TESC: variants seen among roughly 807,000 people sequenced by gnomAD.
TESC encodes calcineurin B homologous protein 3.
Under a neutral mutation model 31.0 loss-of-function variants are expected in TESC, and 19 were observed. The ratio of observed to expected loss-of-function variants is 0.61; its 90% CI spans 0.43 to 0.90. The LOEUF (loss-of-function observed/expected upper bound fraction) is 0.90. Among genes scored for constraint, TESC ranks in the 40% least tolerant of loss-of-function variants. The probability of loss-of-function intolerance (pLI) is 0.00; values close to 1 mark genes in which losing one functional copy is unlikely to be tolerated. For missense variants in TESC, 248 were observed against 303.8 expected, an observed-to-expected ratio of 0.82 and a Z score of 1.36; for synonymous variants, 109 against 114.8, an observed-to-expected ratio of 0.95 and a Z score of 0.32.
At chr12:117,092,217 AAAG>A (rs767344547) in intron 1 of TESC, among the ~76,000 whole-genome samples, 35 of 152,356 alleles carry the variant, frequency 2.3e-4, no homozygotes, top group Admixed American at 1.8e-3. Flanking sequence ...CTGGTGGCTC[AAAG>A]AAGGACACAG....
At chr12:117,073,553 A>G (rs1265175250) in intron 2 of TESC, among the ~76,000 whole-genome samples, 1 of 152,192 alleles carries the variant, frequency 6.6e-6, no homozygotes, top group East Asian at 1.9e-4. Flanking sequence ...GTGGACATTT[A>G]TATGTCAGTT....
chr12:117,056,763 C>T (rs1954730763), intron 3 of TESC, 43 bp downstream of exon 3: 2 of 1,590,432 alleles, frequency 1.3e-6, no homozygotes, highest in East Asian at 2.2e-5. Flanking sequence ...TTACACAAGA[C>T]AAGGGTGCCT....
chr12:117,079,484 C>T (rs1247792524), intron 1 of TESC, among the ~76,000 whole-genome samples: 3 of 152,160 alleles, frequency 2.0e-5, no homozygotes, highest in South Asian at 2.1e-4. Context: ...ATCACTTGAA[C>T]CCGGGAGGCG....
Position 117,046,812 on chromosome 12 carries a change from T to C in TESC, c.376A>G (p.Ser126Gly), listed in dbSNP as rs531621385. 56 of 1,571,782 alleles carry C rather than the reference T, an allele frequency of 3.6e-5. No homozygotes were observed. In the South Asian group the frequency reaches 3.6e-4, roughly 10 times the overall value. The change falls in exon 5 of 8, where the codon AGC becomes GGC. Residue 126 changes from serine to glycine, a missense_variant. Transcript: ENST00000335209. ...RFLFHMYDSD[S>G]DGRITLEEYR... ...TCTTCCAGAGTGATGCGGCCGTCGC[T>C]GTCCGAGTCGTACATGTGGAACAGA...
chr12:117,089,052 C>A (rs1159421229), intron 1 of TESC, among the ~76,000 whole-genome samples: 2 of 152,184 alleles, frequency 1.3e-5, no homozygotes, highest in African/African-American at 4.8e-5. Context: ...GCTGCCTCTG[C>A]ACATCAGGTG....
chr12:117,056,940 G>A (rs553363574), intron 2 of TESC, 54 bp from the exon 3 acceptor site: 17 of 1,574,498 alleles, frequency 1.1e-5, no homozygotes, highest in South Asian at 3.3e-5. Flanking sequence ...GATAGCAGAC[G>A]TCAGCTGGCA....
intron 2 of TESC, among the ~76,000 whole-genome samples, chr12:117,057,723 T>C (rs1387108211): frequency 6.6e-6 from 1 of 152,198 alleles, no homozygotes; most frequent in Non-Finnish European, 1.5e-5. Flanking sequence ...ATCTGTCAAC[T>C]CATAATTGGA....
intron 1 of TESC, among the ~76,000 whole-genome samples, chr12:117,079,548 C>T (rs1011169354): frequency 1.0e-4 from 15 of 149,382 alleles, no homozygotes; most frequent in African/African-American, 3.7e-4. Flanking sequence ...GGTGACAAAG[C>T]GAGACTCCAT....
intron 1 of TESC, among the ~76,000 whole-genome samples, chr12:117,086,097 C>T (rs1244880293): frequency 6.6e-6 from 1 of 152,084 alleles, no homozygotes; most frequent in Non-Finnish European, 1.5e-5. Flanking sequence ...CAGATCCACA[C>T]AGGCAGAACA....
chr12:117,072,431 C>T (rs1954987187), intron 2 of TESC, among the ~76,000 whole-genome samples: 1 of 152,204 alleles, frequency 6.6e-6, no homozygotes, highest in South Asian at 2.1e-4. Context: ...ACCATGCTCA[C>T]TTTCCAGATG....
intron 2 of TESC, among the ~76,000 whole-genome samples, chr12:117,067,366 C>A (rs962167261): frequency 4.6e-5 from 7 of 152,052 alleles, no homozygotes; most frequent in Admixed American, 4.6e-4. Flanking sequence ...GAGTCCGAGA[C>A]CAGCCTGGGC....
At chr12:117,047,179 T>C (rs1954581153) in intron 4 of TESC, among the ~76,000 whole-genome samples, 1 of 152,226 alleles carries the variant, frequency 6.6e-6, no homozygotes, top group Non-Finnish European at 1.5e-5. Context: ...GCGTTACCCG[T>C]TAACACAAGT....
chr12:117,060,441 C>T (rs959512941), intron 2 of TESC, among the ~76,000 whole-genome samples: 5 of 152,142 alleles, frequency 3.3e-5, no homozygotes, highest in Non-Finnish European at 7.3e-5. Context: ...GGAGACAGCT[C>T]GATGCCTTGC....
intron 3 of TESC, among the ~76,000 whole-genome samples, chr12:117,052,949 TCTC>T (rs34348302): frequency 0.36 from 54,721 of 151,868 alleles, 10,680 homozygotes; most frequent in African/African-American, 0.52. Flanking sequence ...CCTCCCCAGT[TCTC>T]CTGGTAATCC....
chr12:117,094,884 C>G (rs572006272), intron 1 of TESC, among the ~76,000 whole-genome samples: 1 of 151,384 alleles, frequency 6.6e-6, no homozygotes, highest in Admixed American at 6.6e-5. Context: ...AGCATGGTGG[C>G]GGGCACCTGT....
At chr12:117,082,840 C>G (rs1280384601) in intron 1 of TESC, among the ~76,000 whole-genome samples, 2 of 152,086 alleles carry the variant, frequency 1.3e-5, no homozygotes, top group African/African-American at 4.8e-5. Flanking sequence ...TTATCTGTCC[C>G]TTAACTTTTC....
At chr12:117,075,388 C>T (rs1955036542) in intron 1 of TESC, 48 bp from the exon 2 acceptor site, 2 of 1,591,894 alleles carry the variant, frequency 1.3e-6, no homozygotes, top group Non-Finnish European at 8.5e-7. Context: ...AAAAAAATCA[C>T]TGACTGTCAG....
intron 3 of TESC, 92 bp from the exon 4 acceptor site, chr12:117,049,250 G>T (rs1954612906): frequency 6.4e-7 from 1 of 1,559,472 alleles, no homozygotes. Context: ...CCGCTCTCAG[G>T]GTGCACACTG....
intron 6 of TESC, among the ~76,000 whole-genome samples, chr12:117,045,325 AGCAGCTG>A (rs928787319): frequency 6.6e-6 from 1 of 152,258 alleles, no homozygotes; most frequent in Non-Finnish European, 1.5e-5. Flanking sequence ...TATGCAGATC[AGCAGCTG>A]GCAGCTGCCA....
Sources: allele counts gnomAD v4.1 joint callset (sites outside exome capture counted in the v4.1 genomes callset), GRCh38; gene constraint gnomAD v4.1.1; transcripts MANE v1.5; gene names NCBI Gene and HGNC (gene_info 2026-07-23, HGNC 2026-07-21).